Variants in ATAD2B observed in about 807,000 individuals in gnomAD.
ATAD2B encodes the protein ATPase family AAA domain-containing protein 2B.
ATAD2B carries 40 observed loss-of-function variants against 167.6 expected under a neutral mutation model. The ratio of observed to expected loss-of-function variants is 0.24; its 90% CI spans 0.19 to 0.31. ATAD2B has a LOEUF of 0.31. Among genes scored for constraint, ATAD2B ranks in the 10% least tolerant of loss-of-function variants. The pLI is 1.00. For synonymous variants in ATAD2B, 579 were observed against 596.5 expected (o/e 0.97, Z 0.43); for missense variants, 1,242 against 1,757.2 (o/e 0.71, Z 5.24).
At chr2:23,787,347 A>C (rs556124967) in intron 20 of ATAD2B, among the ~76,000 whole-genome samples, 1 of 152,174 alleles carries the variant, frequency 6.6e-6, no homozygotes, top group South Asian at 2.1e-4. Flanking sequence ...AATTATATCA[A>C]TCGTAAACAT....
At chr2:23,861,494 AAT>A (rs1277164603) in intron 12 of ATAD2B, among the ~76,000 whole-genome samples, 13 of 151,806 alleles carry the variant, frequency 8.6e-5, no homozygotes, top group African/African-American at 3.1e-4. Flanking sequence ...AAAAAAAAAA[AAT>A]CAGGATTACC....
chr2:23,714,310 G>T, the ATAD2B span, among the ~76,000 whole-genome samples: 1 of 150,442 alleles, frequency 6.6e-6, no homozygotes, highest in South Asian at 2.1e-4. Flanking sequence ...CGCGATCTCG[G>T]CTCACTGCAA....
chr2:23,705,902 C>A, the ATAD2B span, among the ~76,000 whole-genome samples: 1 of 152,168 alleles, frequency 6.6e-6, no homozygotes, highest in Admixed American at 6.6e-5. Flanking sequence ...ACAACAGGAG[C>A]AAGCCAGTGA....
chr2:23,850,359 A>G (rs770736089), intron 13 of ATAD2B, among the ~76,000 whole-genome samples: 7 of 152,208 alleles, frequency 4.6e-5, no homozygotes, highest in Non-Finnish European at 8.8e-5. Context: ...TACATGTCAA[A>G]AACTGTGGGA....
downstream of ATAD2B, among the ~76,000 whole-genome samples, chr2:23,745,653 C>T: frequency 6.6e-6 from 1 of 152,154 alleles, no homozygotes; most frequent in African/African-American, 2.4e-5. Context: ...TTAAATGGGA[C>T]CAACAACAGT....
the ATAD2B span, among the ~76,000 whole-genome samples, chr2:23,724,206 A>C: frequency 1.1e-4 from 17 of 152,216 alleles, no homozygotes; most frequent in Admixed American, 8.5e-4. Context: ...CTAATGTTCT[A>C]TACCAGTTCA....
intron 9 of ATAD2B, 105 bp downstream of exon 9, chr2:23,869,558 G>A: frequency 1.3e-6 from 1 of 780,482 alleles, no homozygotes. Flanking sequence ...TCTTAATCTA[G>A]TCTAAAATAT....
intron 18 of ATAD2B, among the ~76,000 whole-genome samples, chr2:23,805,802 A>AAAAAAAC (rs1553396426): frequency 7.8e-6 from 1 of 128,536 alleles, no homozygotes; most frequent in African/African-American, 2.7e-5. Context: ...CTTTAAAAAA[A>AAAAAAAC]AAAAAACAAA....
At chr2:23,924,030 A>C (rs1421949864) in intron 1 of ATAD2B, among the ~76,000 whole-genome samples, 1 of 152,148 alleles carries the variant, frequency 6.6e-6, no homozygotes, top group Admixed American at 6.5e-5. Context: ...AAAATACAAA[A>C]AAATTAGCCG....
At chr2:23,900,694 T>C (rs1428902169) in intron 1 of ATAD2B, 1 of 152,216 alleles carries the variant, frequency 6.6e-6, no homozygotes, top group Non-Finnish European at 1.5e-5. Context: ...GCCACCATCA[T>C]GAGTCGCATG....
the ATAD2B span, among the ~76,000 whole-genome samples, chr2:23,683,734 G>A: frequency 6.6e-6 from 1 of 152,218 alleles, no homozygotes; most frequent in East Asian, 1.9e-4. Context: ...GGTGTCCTGA[G>A]AGACTCAACT....
chr2:23,793,436 G>A (rs952172094), intron 19 of ATAD2B, among the ~76,000 whole-genome samples: 3 of 151,914 alleles, frequency 2.0e-5, no homozygotes, highest in African/African-American at 7.3e-5. Context: ...TTTTTTCTGT[G>A]CTCAACCTTA....
At chr2:23,926,064 T>C (rs1386676102) in intron 1 of ATAD2B, among the ~76,000 whole-genome samples, 2 of 152,190 alleles carry the variant, frequency 1.3e-5, no homozygotes, top group African/African-American at 4.8e-5. Context: ...GGCTGCCAAC[T>C]GGAGCTCTCT....
intron 1 of ATAD2B, among the ~76,000 whole-genome samples, chr2:23,897,584 A>C (rs1261757332): frequency 6.6e-6 from 1 of 152,210 alleles, no homozygotes; most frequent in African/African-American, 2.4e-5. Flanking sequence ...TATTTTTATC[A>C]GTATCATGGA....
intron 15 of ATAD2B, among the ~76,000 whole-genome samples, chr2:23,825,639 C>T (rs759548085): frequency 1.8e-4 from 28 of 151,938 alleles, no homozygotes; most frequent in East Asian, 1.9e-4. Flanking sequence ...CTTCCATTTC[C>T]GAGGAAATAG....
the ATAD2B span, among the ~76,000 whole-genome samples, chr2:23,722,066 C>A: frequency 6.6e-6 from 1 of 152,220 alleles, no homozygotes; most frequent in African/African-American, 2.4e-5. Flanking sequence ...TGACCCCCAC[C>A]AAACTGATAT....
In ATAD2B at chr2:23,869,773, G is replaced by A; in HGVS notation, c.978-12C>T. 6.5e-7 allele frequency: 1 copy of A among 1,526,774 alleles called. No individual in the cohort carries two copies. 94.6% of individuals were successfully genotyped at this position (1,526,774 alleles called of 1,614,324 possible). ...CATGCTTCTTTCTCCTATTTAAAGA[G>A]AGTAAAATCCTTAAAACCATTATAA... On this transcript the variant is annotated splice_polypyrimidine_tract_variant and intron_variant, in intron 8 of 27. Transcript: ENST00000238789.
chr2:23,786,688 TA>T (rs1680876563), intron 20 of ATAD2B, among the ~76,000 whole-genome samples: 1 of 152,064 alleles, frequency 6.6e-6, no homozygotes, highest in Admixed American at 6.6e-5. Flanking sequence ...ATCCAGCAAG[TA>T]AAAATTTGCA....
chr2:23,691,971 G>T, the ATAD2B span: 1 of 1,244,716 alleles, frequency 8.0e-7, no homozygotes, highest in Non-Finnish European at 1.1e-6. Context: ...AGGTCTGTGT[G>T]TGCACACCTG....
Sources: allele counts gnomAD v4.1 joint callset (sites outside exome capture counted in the v4.1 genomes callset), GRCh38; gene constraint gnomAD v4.1.1; transcripts MANE v1.5; gene names NCBI Gene and HGNC (gene_info 2026-07-23, HGNC 2026-07-21).